FBXO4: variants seen among roughly 807,000 people sequenced by gnomAD.
FBXO4 encodes the protein F-box protein 4.
Under a neutral mutation model 43.7 loss-of-function variants are expected in FBXO4, and 36 were observed. The ratio of observed to expected loss-of-function variants is 0.82; its 90% CI spans 0.63 to 1.09. The LOEUF (loss-of-function observed/expected upper bound fraction) is 1.09, where lower values mean the gene tolerates loss of function less well. FBXO4 is among the 50% of genes least tolerant of loss of function. FBXO4 has a pLI of 0.00. For missense variants in FBXO4, 435 were observed against 474.1 expected (o/e 0.92, Z 0.77); for synonymous variants, 180 against 165.6 (o/e 1.09, Z -0.67).
the FBXO4 span, among the ~76,000 whole-genome samples, chr5:42,028,884 A>G: frequency 6.6e-6 from 1 of 151,286 alleles, no homozygotes; most frequent in South Asian, 2.1e-4. Context: ...TTTTTATCTT[A>G]TTGTACTTTA....
Position 41,927,154 on chromosome 5 carries a change from T to C in FBXO4, c.331T>C (p.Ser111Pro). The C allele has an allele frequency of 6.2e-7, 1 of 1,613,984 alleles. No individual in the cohort carries two copies. The highest frequency in any genetic ancestry group is 8.5e-7 in the Non-Finnish European group (1 of 1,179,948). Reference protein sequence around the residue: ...YFLLRDLPSWSSVDWKSLPDL... With the variant: ...YFLLRDLPSWPSVDWKSLPDL... ...TTTGTTGAGGGATCTTCCTTCTTGG[T>C]CTTCTGTTGACTGGAAGTCTCTTCC... The change falls in exon 2 of 7, where the codon TCT becomes CCT. Residue 111 changes from serine (S) to proline (P), a missense_variant. Transcript: ENST00000281623.
At chr5:41,984,656 G>C in the FBXO4 span, among the ~76,000 whole-genome samples, 1 of 152,158 alleles carries the variant, frequency 6.6e-6, no homozygotes, top group Admixed American at 6.5e-5. Context: ...GGCCAGGAGT[G>C]TATGAAGATA....
chr5:41,951,635 A>AT, the FBXO4 span: 1 of 203,356 alleles, frequency 4.9e-6, no homozygotes, highest in Non-Finnish European at 1.0e-5. Context: ...TTCACAGGAG[A>AT]TGGCGCCAAG....
the FBXO4 span, among the ~76,000 whole-genome samples, chr5:41,966,277 C>A: frequency 6.6e-6 from 1 of 151,854 alleles, no homozygotes; most frequent in East Asian, 1.9e-4. Context: ...GCACACGTAC[C>A]CTAAAACTTA....
chr5:42,014,005 G>C, the FBXO4 span, among the ~76,000 whole-genome samples: 3 of 152,122 alleles, frequency 2.0e-5, no homozygotes, highest in African/African-American at 4.8e-5. Context: ...CCATATGATA[G>C]GACAACCACA....
intron 3 of FBXO4, among the ~76,000 whole-genome samples, chr5:41,931,779 G>A (rs1396456753): frequency 6.6e-6 from 1 of 152,178 alleles, no homozygotes; most frequent in Non-Finnish European, 1.5e-5. Flanking sequence ...ATTGGAGACA[G>A]GTGCTGAAAT....
chr5:42,026,921 T>C, the FBXO4 span, among the ~76,000 whole-genome samples: 9 of 151,934 alleles, frequency 5.9e-5, no homozygotes, highest in Non-Finnish European at 8.8e-5. Context: ...TGAAAAATCT[T>C]TCTAATGTAT....
At chr5:42,029,512 T>C in the FBXO4 span, among the ~76,000 whole-genome samples, 1 of 152,104 alleles carries the variant, frequency 6.6e-6, no homozygotes, top group Admixed American at 6.6e-5. Flanking sequence ...TCTGTTATTA[T>C]CCCTTTAAAT....
chr5:41,977,684 C>T, the FBXO4 span, among the ~76,000 whole-genome samples: 49 of 152,326 alleles, frequency 3.2e-4, no homozygotes, highest in African/African-American at 1.1e-3. Context: ...GGTGATCTGC[C>T]TACCTCAGCC....
At chr5:41,935,866 T>A (rs1751835998) in intron 5 of FBXO4, among the ~76,000 whole-genome samples, 1 of 152,172 alleles carries the variant, frequency 6.6e-6, no homozygotes, top group Non-Finnish European at 1.5e-5. Flanking sequence ...TGAGAACAAG[T>A]AGAAACTCTG....
At chr5:41,965,254 G>A in the FBXO4 span, among the ~76,000 whole-genome samples, 1 of 152,046 alleles carries the variant, frequency 6.6e-6, no homozygotes, top group Admixed American at 6.6e-5. Flanking sequence ...TCTCTGTTTT[G>A]GTACCAGTAC....
At chr5:41,998,077 T>C in the FBXO4 span, among the ~76,000 whole-genome samples, 1 of 152,204 alleles carries the variant, frequency 6.6e-6, no homozygotes, top group South Asian at 2.1e-4. Context: ...CTGTAATTAA[T>C]TAGCTAATGC....
the FBXO4 span, among the ~76,000 whole-genome samples, chr5:42,010,587 C>A: frequency 2.0e-5 from 3 of 152,026 alleles, no homozygotes; most frequent in East Asian, 3.9e-4. Flanking sequence ...TTTGTTTACC[C>A]ATTCTTCCAC....
At chr5:42,031,446 C>A in the FBXO4 span, among the ~76,000 whole-genome samples, 17 of 127,462 alleles carry the variant, frequency 1.3e-4, no homozygotes, top group Admixed American at 1.6e-3. Flanking sequence ...ACATCACACA[C>A]CGGGGACTGT....
the FBXO4 span, among the ~76,000 whole-genome samples, chr5:41,955,412 C>CA: frequency 6.6e-6 from 1 of 151,718 alleles, no homozygotes; most frequent in South Asian, 2.1e-4. Flanking sequence ...ACATAAACAA[C>CA]AAAAAAATGA....
the FBXO4 span, among the ~76,000 whole-genome samples, chr5:41,992,743 A>G: frequency 6.6e-6 from 1 of 152,230 alleles, no homozygotes; most frequent in East Asian, 1.9e-4. Flanking sequence ...TTTGCTTGCA[A>G]TTGATTGGAA....
the FBXO4 span, among the ~76,000 whole-genome samples, chr5:41,953,012 A>G: frequency 2.7e-5 from 4 of 149,578 alleles, no homozygotes; most frequent in African/African-American, 7.4e-5. Flanking sequence ...TCTTCTTATT[A>G]TACTTTAAGT....
At chr5:41,953,146 G>A in the FBXO4 span, among the ~76,000 whole-genome samples, 311 of 126,648 alleles carry the variant, frequency 2.5e-3, 1 homozygote, top group East Asian at 4.2e-3. Flanking sequence ...TCCCTCCCCC[G>A]TCCCCCCACC....
the FBXO4 span, among the ~76,000 whole-genome samples, chr5:42,015,432 G>T: frequency 0.17 from 25,184 of 152,178 alleles, 2,372 homozygotes; most frequent in East Asian, 0.32. Context: ...TTTTGAGTGT[G>T]ATTTTGTAAT....
Sources: gnomAD v4.1 joint callset for allele counts (sites outside exome capture counted in the v4.1 genomes callset) on GRCh38, gnomAD v4.1.1 for gene constraint, MANE v1.5 for transcripts, NCBI Gene and HGNC (gene_info 2026-07-23, HGNC 2026-07-21) for gene names.